The following DCLK2 variants were observed in gnomAD, a reference collection of about 807,000 sequenced individuals.
The protein encoded by DCLK2 is doublecortin like kinase 2, also known as serine/threonine-protein kinase DCLK2.
DCLK2 carries 31 observed loss-of-function variants against 78.4 expected under a neutral mutation model. The ratio of observed to expected loss-of-function variants is 0.40; its 90% CI spans 0.30 to 0.53. The LOEUF is 0.53. DCLK2 is among the 20% of genes least tolerant of loss of function. DCLK2 has a pLI of 0.61. For synonymous variants in DCLK2, 407 were observed against 374.9 expected (o/e 1.09, Z -0.99); for missense variants, 872 against 973.7 (o/e 0.90, Z 1.39).
At chr4:150,246,455 G>T (rs75666491) in intron 12 of DCLK2, among the ~76,000 whole-genome samples, 1,583 of 152,276 alleles carry the variant, frequency 0.01, 24 homozygotes, top group African/African-American at 0.036. Flanking sequence ...AGGACACCAC[G>T]CTTGCCCTTG....
intron 5 of DCLK2, among the ~76,000 whole-genome samples, chr4:150,204,860 C>G (rs1360047909): frequency 6.6e-6 from 1 of 151,708 alleles, no homozygotes; most frequent in African/African-American, 2.4e-5. Context: ...CCGCTGCACT[C>G]CAGCCTGGGT....
At chr4:150,136,789 C>T (rs544181901) in intron 2 of DCLK2, among the ~76,000 whole-genome samples, 1 of 152,144 alleles carries the variant, frequency 6.6e-6, no homozygotes, top group Non-Finnish European at 1.5e-5. Flanking sequence ...GGCACTTTAC[C>T]CTAGCAGCAG....
chr4:150,171,181 A>C (rs1332910766), intron 2 of DCLK2, among the ~76,000 whole-genome samples: 4 of 152,198 alleles, frequency 2.6e-5, no homozygotes, highest in Admixed American at 2.6e-4. Context: ...ACCCACATAA[A>C]ATAGAGATGA....
chr4:150,215,568 G>A (rs775345481), intron 5 of DCLK2, among the ~76,000 whole-genome samples: 1 of 152,186 alleles, frequency 6.6e-6, no homozygotes, highest in Non-Finnish European at 1.5e-5. Flanking sequence ...ATAGGGCGAG[G>A]TATGGGGGAA....
chr4:150,125,373 C>T (rs1292311040), intron 2 of DCLK2, among the ~76,000 whole-genome samples: 1 of 152,116 alleles, frequency 6.6e-6, no homozygotes, highest in African/African-American at 2.4e-5. Context: ...ATAGACTTGG[C>T]TCTGACTAGC....
intron 15 of DCLK2, chr4:150,253,772 C>T (rs2126652120): frequency 1.0e-6 from 1 of 985,454 alleles, no homozygotes; most frequent in Non-Finnish European, 1.2e-6. Context: ...CCTTTCCAGA[C>T]CAACAGCTGG....
At chr4:150,198,248 C>A in intron 4 of DCLK2, 145 bp downstream of exon 4, 1 of 673,746 alleles carries the variant, frequency 1.5e-6, no homozygotes, top group Non-Finnish European at 2.4e-6. Flanking sequence ...ACTTTTAAAA[C>A]CAAAAGTCAA....
At chr4:150,194,198 G>T (rs563827578) in intron 3 of DCLK2, among the ~76,000 whole-genome samples, 2 of 152,232 alleles carry the variant, frequency 1.3e-5, no homozygotes, top group East Asian at 3.9e-4. Flanking sequence ...TAGATGCACA[G>T]GTCCTTACCG....
chr4:150,114,899 GT>G (rs1731962410), intron 2 of DCLK2, among the ~76,000 whole-genome samples: 1 of 152,182 alleles, frequency 6.6e-6, no homozygotes, highest in African/African-American at 2.4e-5. Context: ...TCCCCCAGGA[GT>G]TCTTTGAGCT....
At chr4:150,203,282 A>G (rs1261512225) in intron 4 of DCLK2, among the ~76,000 whole-genome samples, 1 of 152,246 alleles carries the variant, frequency 6.6e-6, no homozygotes, top group Non-Finnish European at 1.5e-5. Flanking sequence ...GAAAACTACC[A>G]GCAAATTTTC....
intron 1 of DCLK2, among the ~76,000 whole-genome samples, chr4:150,099,966 G>A (rs1730772861): frequency 6.6e-6 from 1 of 152,252 alleles, no homozygotes; most frequent in South Asian, 2.1e-4. Flanking sequence ...AGACTGAAGT[G>A]CAGTGGTGAG....
intron 12 of DCLK2, among the ~76,000 whole-genome samples, chr4:150,245,227 C>G (rs887697900): frequency 2.0e-5 from 3 of 152,182 alleles, no homozygotes; most frequent in Non-Finnish European, 2.9e-5. Context: ...CGTGTGCATT[C>G]ACAGGAAATC....
chr4:150,082,437 G>T (rs1560754922), intron 1 of DCLK2, among the ~76,000 whole-genome samples: 1 of 152,162 alleles, frequency 6.6e-6, no homozygotes, highest in Non-Finnish European at 1.5e-5. Flanking sequence ...AAAGAAATTT[G>T]CATGGCCCAA....
chr4:150,102,356 C>T (rs1213951160), intron 1 of DCLK2, 122 bp from the exon 2 acceptor site: 2 of 833,680 alleles, frequency 2.4e-6, no homozygotes, highest in East Asian at 2.6e-5. Flanking sequence ...GGTGAACATC[C>T]CCTTTTAGTG....
At chr4:150,138,321 A>AT (rs1481877981) in intron 2 of DCLK2, among the ~76,000 whole-genome samples, 4 of 152,172 alleles carry the variant, frequency 2.6e-5, no homozygotes, top group Non-Finnish European at 4.4e-5. Flanking sequence ...TGAAAACAGA[A>AT]TAAGAGGCCG....
At chr4:150,206,610 T>C (rs1739860830) in intron 5 of DCLK2, among the ~76,000 whole-genome samples, 1 of 152,202 alleles carries the variant, frequency 6.6e-6, no homozygotes, top group South Asian at 2.1e-4. Flanking sequence ...ATGCTAGGAA[T>C]ATAGTTCTGT....
intron 2 of DCLK2, among the ~76,000 whole-genome samples, chr4:150,164,359 A>G (rs1735916275): frequency 6.6e-6 from 1 of 152,210 alleles, no homozygotes; most frequent in Admixed American, 6.5e-5. Flanking sequence ...TTTTCAGTTT[A>G]CTTACTTACC....
chr4:150,240,494 C>T lies in DCLK2; in HGVS notation c.1778+18C>T, dbSNP rs755427161. ...TTCCGAAGGTAGGCGGCCTTTTGGG[C>T]GACGTATTTGAATTGCAAATGTTCT... On this transcript the variant is annotated intron_variant, in intron 12 of 15. Coordinates refer to ENST00000296550, the MANE Select transcript of DCLK2 (RefSeq NM_001040260.4). 2.4e-5 allele frequency: 39 copies of T among 1,595,646 alleles called. No individual in the cohort carries two copies. The highest frequency in any genetic ancestry group is 2.4e-4 in the Admixed American group (14 of 59,352).
chr4:150,132,921 C>G (rs1200070208), intron 2 of DCLK2, among the ~76,000 whole-genome samples: 2 of 152,172 alleles, frequency 1.3e-5, no homozygotes, highest in East Asian at 1.9e-4. Flanking sequence ...AGCCACCATG[C>G]CCAGCTAACA....
Sources: allele counts gnomAD v4.1 joint callset (sites outside exome capture counted in the v4.1 genomes callset), GRCh38; gene constraint gnomAD v4.1.1; transcripts MANE v1.5; gene names NCBI Gene and HGNC (gene_info 2026-07-23, HGNC 2026-07-21).